Variants in KATNAL2 observed in about 807,000 individuals in gnomAD.
The protein encoded by KATNAL2 is katanin p60 ATPase-containing subunit A-like 2.
A neutral mutation model predicts 76.3 loss-of-function variants in KATNAL2; 52 were observed. The observed-to-expected ratio is 0.68, with a 90% CI of 0.55 to 0.86. The LOEUF (loss-of-function observed/expected upper bound fraction) is 0.86. Ranked by LOEUF, KATNAL2 falls within the 40% of genes least tolerant of loss-of-function variation. KATNAL2 has a pLI of 0.00. For missense variants in KATNAL2, 660 were observed against 668.9 expected (o/e 0.99, Z 0.15); for synonymous variants, 243 against 244.2 (o/e 1.00, Z 0.05).
At chr18:47,042,048 T>G (rs1470122213) in intron 3 of KATNAL2, among the ~76,000 whole-genome samples, 2 of 152,234 alleles carry the variant, frequency 1.3e-5, no homozygotes, top group Non-Finnish European at 1.5e-5. Context: ...AAGTGGATTT[T>G]TTTTTTAGTG....
intron 15 of KATNAL2, among the ~76,000 whole-genome samples, chr18:47,088,169 A>T (rs2062854928): frequency 6.6e-6 from 1 of 152,156 alleles, no homozygotes; most frequent in African/African-American, 2.4e-5. Context: ...CAGGCTTGTC[A>T]TGGGGTGTTT....
chr18:47,062,539 C>A (rs903346515), intron 8 of KATNAL2, among the ~76,000 whole-genome samples: 1 of 152,040 alleles, frequency 6.6e-6, no homozygotes, highest in Admixed American at 6.5e-5. Flanking sequence ...CACAAAGAAC[C>A]TTTCACACTT....
At chr18:47,063,755 C>T (rs772580861) in intron 10 of KATNAL2, among the ~76,000 whole-genome samples, 1 of 152,106 alleles carries the variant, frequency 6.6e-6, no homozygotes, top group Non-Finnish European at 1.5e-5. Context: ...CTGATGATAT[C>T]ATCATTGAAA....
chr18:47,047,270 G>C (rs1340753268), intron 4 of KATNAL2, among the ~76,000 whole-genome samples: 1 of 152,050 alleles, frequency 6.6e-6, no homozygotes, highest in Non-Finnish European at 1.5e-5. Flanking sequence ...TTTCACATTA[G>C]ATGTTGAAAA....
chr18:46,960,521 G>C (rs923909864), intron 3 of KATNAL2, among the ~76,000 whole-genome samples: 3 of 152,032 alleles, frequency 2.0e-5, no homozygotes, highest in African/African-American at 2.4e-5. Context: ...GGAGGGAAGA[G>C]TTTCAGAGAG....
In KATNAL2 at chr18:47,095,480, C is replaced by T. The variant is rs112100287; in HGVS notation, c.1212-3763C>T. Among the ~76,000 whole-genome samples the T allele has an allele frequency of 5.9e-3, 901 of 152,258 alleles. 12 individuals carry two copies. The highest frequency in any genetic ancestry group is 0.021 in the African/African-American group (872 of 41,552). Reference sequence around the variant, plus strand: ...TCCTGCCACCCTGTAAAGAAGATGCCTGCCTCTCTCTTTTGCTTTCCATCA... The same window carrying T: ...TCCTGCCACCCTGTAAAGAAGATGCTTGCCTCTCTCTTTTGCTTTCCATCA... On this transcript the variant is annotated intron_variant, in intron 15 of 17. Coordinates refer to ENST00000683218, the MANE Select transcript of KATNAL2 (RefSeq NM_001387690.1).
intron 15 of KATNAL2, among the ~76,000 whole-genome samples, chr18:47,092,834 G>A (rs2063060781): frequency 6.6e-6 from 1 of 152,148 alleles, no homozygotes; most frequent in African/African-American, 2.4e-5. Context: ...TCCTCCTTTG[G>A]AGAGAATCCT....
In KATNAL2 at chr18:47,031,433, G is replaced by A. The variant is rs963452952; in HGVS notation, c.52-15024G>A. Among the ~76,000 whole-genome samples the A allele has an allele frequency of 3.3e-5, 5 of 151,886 alleles. No homozygotes were observed. In the South Asian group the frequency reaches 1.0e-3, roughly 32 times the overall value. On this transcript the variant is annotated intron_variant, in intron 3 of 17. Transcript: ENST00000683218. The stretch of plus-strand genomic sequence containing the variant: ...TGTCTCTCTGTCTTTCTTTTTGTGT[G>A]TGTTGTGGTGGGGGCGGGGTGTGTT...
At chr18:47,038,377 C>T (rs2060851759) in intron 3 of KATNAL2, among the ~76,000 whole-genome samples, 2 of 152,178 alleles carry the variant, frequency 1.3e-5, no homozygotes, top group South Asian at 2.1e-4. Flanking sequence ...GACAAATGTT[C>T]CAACTTGCTT....
At chr18:46,921,454 A>G (rs1210588978) in intron 1 of KATNAL2, among the ~76,000 whole-genome samples, 1 of 152,214 alleles carries the variant, frequency 6.6e-6, no homozygotes, top group Non-Finnish European at 1.5e-5. Context: ...TAATACACGA[A>G]GTCAAAAATC....
rs1221229170 is a variant in KATNAL2, at chr18:46,917,939, T to G, written c.-510+13T>G. ...ATATGGGTGTTGGGTAAGCTATTGT[T>G]CCCATCTAATGGTGAGGTTGTGTGA... On this transcript the variant is annotated intron_variant, in intron 1 of 17. Coordinates refer to ENST00000683218, the MANE Select transcript of KATNAL2 (RefSeq NM_001387690.1). The G allele has an allele frequency of 6.6e-6, 1 of 152,210 alleles. No homozygotes were observed. The highest frequency in any genetic ancestry group is 2.4e-5 in the African/African-American group (1 of 41,432). 9.4% of individuals were successfully genotyped at this position (152,210 alleles called of 1,614,324 possible).
chr18:47,044,819 C>T (rs2061100094), intron 3 of KATNAL2, among the ~76,000 whole-genome samples: 1 of 151,720 alleles, frequency 6.6e-6, no homozygotes, highest in Non-Finnish European at 1.5e-5. Context: ...TGTGGTGGCT[C>T]ACGCCTGTAA....
At chr18:46,922,567 G>C (rs896626473) in intron 1 of KATNAL2, among the ~76,000 whole-genome samples, 26 of 151,958 alleles carry the variant, frequency 1.7e-4, no homozygotes, top group African/African-American at 5.3e-4. Flanking sequence ...GCTGAGGTGG[G>C]TGGATCGCCT....
chr18:47,033,595 G>C (rs772184623), intron 3 of KATNAL2: 2 of 1,614,090 alleles, frequency 1.2e-6, no homozygotes, highest in Non-Finnish European at 1.7e-6. Context: ...TTCCAGAACA[G>C]GTTCAAGAAC....
chr18:46,935,519 G>A (rs928924054), intron 1 of KATNAL2, among the ~76,000 whole-genome samples: 2 of 152,104 alleles, frequency 1.3e-5, no homozygotes, highest in Non-Finnish European at 2.9e-5. Flanking sequence ...GAACTCCTGA[G>A]CTCAAGCAAG....
chr18:47,054,925 C>T (rs942530529), intron 6 of KATNAL2, among the ~76,000 whole-genome samples: 1 of 152,246 alleles, frequency 6.6e-6, no homozygotes, highest in Non-Finnish European at 1.5e-5. Context: ...CTTCTGGCTT[C>T]GCCAGTCCTG....
chr18:46,936,896 A>C (rs2059109942), intron 1 of KATNAL2, among the ~76,000 whole-genome samples: 1 of 152,210 alleles, frequency 6.6e-6, no homozygotes, highest in Admixed American at 6.5e-5. Flanking sequence ...CGGAGGTTGC[A>C]GTGAGACAAG....
chr18:47,082,729 T>A (rs1431497851), intron 15 of KATNAL2, among the ~76,000 whole-genome samples: 1 of 152,190 alleles, frequency 6.6e-6, no homozygotes, highest in Non-Finnish European at 1.5e-5. Context: ...TTAAAAAGAA[T>A]GCTGCCGTGA....
chr18:46,966,851 G>GT (rs1569033860), intron 3 of KATNAL2, among the ~76,000 whole-genome samples: 3 of 114,702 alleles, frequency 2.6e-5, no homozygotes, highest in African/African-American at 6.7e-5. Context: ...CTGAGGTTTT[G>GT]TTTTTTTAAT....
Sources: gnomAD v4.1 joint callset for allele counts (sites outside exome capture counted in the v4.1 genomes callset) on GRCh38, gnomAD v4.1.1 for gene constraint, MANE v1.5 for transcripts, NCBI Gene and HGNC (gene_info 2026-07-23, HGNC 2026-07-21) for gene names.